The following PGRMC2 variants were observed in gnomAD, a reference collection of about 807,000 sequenced individuals.
The protein encoded by PGRMC2 is progesterone receptor membrane component 2.
PGRMC2 carries 9 observed loss-of-function variants against 19.3 expected under a neutral mutation model. That is an observed-to-expected ratio of 0.47 (90% CI 0.28 to 0.81). The LOEUF (loss-of-function observed/expected upper bound fraction) is 0.81, where lower values mean the gene tolerates loss of function less well. Ranked by LOEUF, PGRMC2 falls within the 40% of genes least tolerant of loss-of-function variation. The probability of loss-of-function intolerance (pLI) is 0.11; values close to 1 mark genes in which losing one functional copy is unlikely to be tolerated. For missense variants in PGRMC2, 289 were observed against 297.3 expected (o/e 0.97, Z 0.21); for synonymous variants, 157 against 124.6 (o/e 1.26, Z -1.73).
intron 1 of PGRMC2, among the ~76,000 whole-genome samples, chr4:128,283,374 C>A (rs1388352746): frequency 6.6e-6 from 1 of 151,116 alleles, no homozygotes; most frequent in East Asian, 1.9e-4. Context: ...CCTCCTTCTC[C>A]TCCTCTGACC....
rs1475010642 is a variant in PGRMC2, at chr4:128,269,540, A to G, written c.*1776T>C. On this transcript the variant is annotated 3_prime_UTR_variant, in exon 3 of 3. Coordinates refer to ENST00000296425, the MANE Select transcript of PGRMC2 (RefSeq NM_006320.6). ...GATTTGGCTGAAGATAACTTTCTAC[A>G]AAACACTCCAAGACTGAATAGAATG... 1.3e-5 allele frequency: 2 copies of G among 151,346 alleles called. No homozygotes were observed. Among genetic ancestry groups the G allele is most frequent in the Non-Finnish European group, 2.9e-5 (2 of 68,006 alleles). 9.4% of individuals were successfully genotyped at this position (151,346 alleles called of 1,614,324 possible). A position where few individuals can be genotyped will look rare whatever the true frequency, so the allele number is the denominator to read the frequency against.
chr4:128,284,532 C>T (rs961831245), intron 1 of PGRMC2, among the ~76,000 whole-genome samples: 3 of 152,236 alleles, frequency 2.0e-5, no homozygotes, highest in Admixed American at 6.5e-5. Flanking sequence ...CAGTTAATGC[C>T]AACTGTTTGC....
intron 1 of PGRMC2, among the ~76,000 whole-genome samples, chr4:128,274,504 CCTT>C (rs1474361060): frequency 1.5e-5 from 2 of 135,684 alleles, no homozygotes; most frequent in Non-Finnish European, 3.1e-5. Flanking sequence ...AAGCAAGACT[CCTT>C]CTCCAAAGAA....
intron 1 of PGRMC2, among the ~76,000 whole-genome samples, chr4:128,279,004 T>C (rs1578884743): frequency 6.6e-6 from 1 of 151,372 alleles, no homozygotes; most frequent in South Asian, 2.1e-4. Flanking sequence ...AGGTCAGGAG[T>C]TCGAGACCAG....
At chr4:128,286,157 C>CAG (rs1490913642) in intron 1 of PGRMC2, among the ~76,000 whole-genome samples, 4 of 149,832 alleles carry the variant, frequency 2.7e-5, no homozygotes, top group African/African-American at 9.8e-5. Flanking sequence ...AGCTTACTTC[C>CAG]AGACTGCCAA....
intron 1 of PGRMC2, among the ~76,000 whole-genome samples, chr4:128,283,435 TAA>T: frequency 6.6e-6 from 1 of 152,152 alleles, no homozygotes; most frequent in African/African-American, 2.4e-5. Context: ...AGAAATACTC[TAA>T]GAGGTGCCTT....
Position 128,271,229 on chromosome 4 carries a change from G to C in PGRMC2, c.*87C>G. ...TTGTTGAATGTTTTTCGCAGCAGGT[G>C]AATCAAACCCAAAGACTCCGGACAG... On this transcript the variant is annotated 3_prime_UTR_variant, in exon 3 of 3. Coordinates refer to ENST00000296425, the MANE Select transcript of PGRMC2 (RefSeq NM_006320.6). The C allele has an allele frequency of 3.2e-6, 2 of 627,106 alleles. No individual in the cohort carries two copies. The highest frequency in any genetic ancestry group is 2.2e-5 in the South Asian group (1 of 46,072). The allele number at this position is 627,106 out of a possible 1,614,324, so 38.8% of individuals were successfully genotyped here.
At chr4:128,276,021 C>A (rs914123517) in intron 1 of PGRMC2, among the ~76,000 whole-genome samples, 2 of 152,128 alleles carry the variant, frequency 1.3e-5, no homozygotes, top group African/African-American at 4.8e-5. Context: ...CCACCATGCC[C>A]AGCCTTCTGT....
At chr4:128,280,657 G>A (rs553427417) in intron 1 of PGRMC2, among the ~76,000 whole-genome samples, 1 of 152,228 alleles carries the variant, frequency 6.6e-6, no homozygotes, top group South Asian at 2.1e-4. Flanking sequence ...CCCAGGTTGA[G>A]TGCAGTGGTG....
intron 1 of PGRMC2, among the ~76,000 whole-genome samples, chr4:128,282,230 TG>T: frequency 6.6e-6 from 1 of 152,308 alleles, no homozygotes; most frequent in East Asian, 1.9e-4. Context: ...TATTTAAAAA[TG>T]GAGCTGAAAT....
intron 1 of PGRMC2, among the ~76,000 whole-genome samples, chr4:128,285,672 T>C (rs991927910): frequency 6.6e-6 from 1 of 152,206 alleles, no homozygotes; most frequent in Non-Finnish European, 1.5e-5. Context: ...TCTAATCACT[T>C]AACACATTTT....
chr4:128,276,361 A>T (rs1760812591), intron 1 of PGRMC2, among the ~76,000 whole-genome samples: 1 of 152,058 alleles, frequency 6.6e-6, no homozygotes, highest in South Asian at 2.1e-4. Flanking sequence ...TTTGAGACAG[A>T]GTCACACTCT....
At position 128,270,767 on chromosome 4, in the gene PGRMC2, A is replaced by G. The variant is rs1246256634; in HGVS notation, c.*549T>C. The G allele has an allele frequency of 6.6e-6, 1 of 152,172 alleles. No individual in the cohort carries two copies. The highest frequency in any genetic ancestry group is 1.5e-5 in the Non-Finnish European group (1 of 68,026). 9.4% of individuals were successfully genotyped at this position (152,172 alleles called of 1,614,324 possible). Reference sequence around the variant, plus strand: ...AAGATATTTTTCTTTTCCCTGACAAAGCCAAAAAGAAAAGTTTGGGAATTC... The same window carrying G: ...AAGATATTTTTCTTTTCCCTGACAAGGCCAAAAAGAAAAGTTTGGGAATTC... On this transcript the variant is annotated 3_prime_UTR_variant, in exon 3 of 3. Transcript: ENST00000296425.
Position 128,278,053 on chromosome 4 carries a change from G to A in PGRMC2, c.419-5536C>T, listed in dbSNP as rs576109639. 2.0e-4 allele frequency among the ~76,000 whole-genome samples: 30 copies of A among 152,256 alleles called. No individual in the cohort carries two copies. The South Asian group carries it at 5.2e-3, about 26-fold the overall frequency. On this transcript the variant is annotated intron_variant, in intron 1 of 2. Coordinates refer to ENST00000296425, the MANE Select transcript of PGRMC2 (RefSeq NM_006320.6). The stretch of plus-strand genomic sequence containing the variant: ...AGCAACATTGTGAACTGAGCATATG[G>A]CCTTAACTCCAGGGTGCATGGGTAG...
chr4:128,286,379 T>C (rs950861050), intron 1 of PGRMC2, among the ~76,000 whole-genome samples: 2 of 152,238 alleles, frequency 1.3e-5, no homozygotes, highest in East Asian at 3.9e-4. Flanking sequence ...AAATGTATGC[T>C]ACAACCACAC....
rs1006334415 is a variant in PGRMC2, at chr4:128,278,829, G to A, written c.419-6312C>T. ...AAAAAACACCATAAATAAGTAAAAG[G>A]ACAAACTAGAAAAAATATTTGCGGC... On this transcript the variant is annotated intron_variant, in intron 1 of 2. Coordinates refer to ENST00000296425, the MANE Select transcript of PGRMC2 (RefSeq NM_006320.6). 2.0e-5 allele frequency among the ~76,000 whole-genome samples: 3 copies of A among 152,000 alleles called. No individual in the cohort carries two copies. In the South Asian group the frequency reaches 6.2e-4, roughly 32 times the overall value.
At position 128,287,619 on chromosome 4, in the gene PGRMC2, C is replaced by T. The variant is rs1271608575; in HGVS notation, c.172G>A (p.Val58Met). ...AGCAGCACCAGAGCCACCAGCGCCA[C>T]GTTCAGCAGCATTTCCCCGCCCCCC... is the stretch of plus-strand genomic sequence containing the variant. ...LTGGGEMLLN[V>M]ALVALVLLGA... is the part of the protein sequence containing the mutation. The change falls in exon 1 of 3, where the codon GTG (valine) becomes ATG (methionine). Residue 58 changes from valine to methionine, a missense_variant. Coordinates refer to ENST00000296425, the MANE Select transcript of PGRMC2 (RefSeq NM_006320.6). 1 of 1,538,560 alleles carries T rather than the reference C, an allele frequency of 6.5e-7. No individual in the cohort carries two copies. Among genetic ancestry groups the T allele is most frequent in the South Asian group, 1.2e-5 (1 of 83,856 alleles).
chr4:128,282,244 T>C (rs76465803), intron 1 of PGRMC2, among the ~76,000 whole-genome samples: 3,970 of 152,276 alleles, frequency 0.026, 181 homozygotes, highest in African/African-American at 0.09. Flanking sequence ...GCTGAAATCC[T>C]ATTATTAAAG....
intron 1 of PGRMC2, among the ~76,000 whole-genome samples, chr4:128,282,485 C>G (rs551193905): frequency 1.1e-4 from 16 of 152,184 alleles, no homozygotes; most frequent in Non-Finnish European, 2.4e-4. Context: ...AACACAAATA[C>G]GATTCCCTCA....
Sources: gnomAD v4.1 joint callset for allele counts (sites outside exome capture counted in the v4.1 genomes callset) on GRCh38, gnomAD v4.1.1 for gene constraint, MANE v1.5 for transcripts, NCBI Gene and HGNC (gene_info 2026-07-23, HGNC 2026-07-21) for gene names.